The following CA5A variants were observed in gnomAD, a reference collection of about 807,000 sequenced individuals.
CA5A encodes carbonic anhydrase 5A, also known as carbonic anhydrase 5A, mitochondrial.
CA5A carries 28 observed loss-of-function variants against 37.1 expected under a neutral mutation model. The observed-to-expected ratio is 0.75, with a 90% CI of 0.56 to 1.03. The LOEUF (loss-of-function observed/expected upper bound fraction) is 1.03, where lower values mean the gene tolerates loss of function less well. Ranked by LOEUF, CA5A falls within the 50% of genes least tolerant of loss-of-function variation. The pLI is 0.00. For synonymous variants in CA5A, 171 were observed against 158.4 expected (o/e 1.08, Z -0.60); for missense variants, 444 against 399.9 (o/e 1.11, Z -0.94).
chr16:87,923,623 C>T (rs1209875589), intron 2 of CA5A: 1 of 985,336 alleles, frequency 1.0e-6, no homozygotes, highest in Non-Finnish European at 1.2e-6. Flanking sequence ...GATGCTCCAC[C>T]AGCTGAGGGC....
intron 2 of CA5A, among the ~76,000 whole-genome samples, chr16:87,912,736 G>A (rs564062617): frequency 2.6e-5 from 4 of 152,238 alleles, no homozygotes; most frequent in African/African-American, 4.8e-5. Flanking sequence ...GAGGGCCCCC[G>A]TGGAAGCGGC....
chr16:87,925,941 G>C (rs1343255265), intron 2 of CA5A, among the ~76,000 whole-genome samples: 1 of 152,326 alleles, frequency 6.6e-6, no homozygotes, highest in Non-Finnish European at 1.5e-5. Context: ...GGTCAGCGAG[G>C]GCCGGGCGCG....
intron 2 of CA5A, among the ~76,000 whole-genome samples, chr16:87,910,762 G>A (rs1377608368): frequency 6.6e-6 from 1 of 151,232 alleles, no homozygotes; most frequent in Non-Finnish European, 1.5e-5. Flanking sequence ...TTTTGTTTTT[G>A]TTTCTTTGAG....
chr16:87,915,865 A>G (rs2056132935), intron 2 of CA5A, among the ~76,000 whole-genome samples: 1 of 151,950 alleles, frequency 6.6e-6, no homozygotes, highest in African/African-American at 2.4e-5. Context: ...ATAAGAAACA[A>G]CAGTGTATTA....
At chr16:87,934,123 G>A (rs1449721509) in intron 1 of CA5A, among the ~76,000 whole-genome samples, 11 of 152,246 alleles carry the variant, frequency 7.2e-5, no homozygotes, top group Admixed American at 6.5e-4. Flanking sequence ...GCAGCAGCTG[G>A]CGTCTAGCAA....
At chr16:87,915,941 G>T (rs557889393) in intron 2 of CA5A, among the ~76,000 whole-genome samples, 3 of 152,078 alleles carry the variant, frequency 2.0e-5, no homozygotes, top group Middle Eastern at 3.4e-3. Flanking sequence ...AAAAGAGGTT[G>T]AATGGACTCA....
Position 87,888,100 on chromosome 16 carries a change from G to A in CA5A, c.*29C>T. On this transcript the variant is annotated 3_prime_UTR_variant, in exon 7 of 7. Coordinates refer to ENST00000649794, the MANE Select transcript of CA5A (RefSeq NM_001739.2). Reference sequence around the variant, plus strand: ...ACAACGCTTCCTTCCTTCAAAGTCAGTTCTGCTATTCATGTGGACCTAATG... The same window carrying A: ...ACAACGCTTCCTTCCTTCAAAGTCAATTCTGCTATTCATGTGGACCTAATG... 6.4e-7 allele frequency: 1 copy of A among 1,561,264 alleles called. No homozygotes were observed. The highest frequency in any genetic ancestry group is 8.7e-7 in the Non-Finnish European group (1 of 1,149,770).
At chr16:87,891,627 C>G (rs1186929042) in intron 6 of CA5A, among the ~76,000 whole-genome samples, 172 bp downstream of exon 6, 1 of 152,204 alleles carries the variant, frequency 6.6e-6, no homozygotes, top group Admixed American at 6.5e-5. Flanking sequence ...GCTGTCCAAT[C>G]TCAACAAGCT....
chr16:87,925,445 C>G (rs1305311812), intron 2 of CA5A: 2 of 152,222 alleles, frequency 1.3e-5, no homozygotes, highest in Non-Finnish European at 2.9e-5. Context: ...ACCAGAGGAG[C>G]TCACTAGCAA....
chr16:87,891,286 G>A (rs1356510589), intron 6 of CA5A, among the ~76,000 whole-genome samples: 1 of 151,662 alleles, frequency 6.6e-6, no homozygotes, highest in Non-Finnish European at 1.5e-5. Context: ...TGGCCAACAT[G>A]GTGAAACTCC....
chr16:87,885,128 A>T (rs890521225), downstream of CA5A: 1 of 159,232 alleles, frequency 6.3e-6, no homozygotes, highest in African/African-American at 2.4e-5. Flanking sequence ...GCGCCACTGC[A>T]CTCCAGCCTG....
chr16:87,923,583 G>A, intron 2 of CA5A: 1 of 985,444 alleles, frequency 1.0e-6, no homozygotes, highest in Non-Finnish European at 1.2e-6. Flanking sequence ...CACTGCATGA[G>A]GTCTTGGTGA....
intron 3 of CA5A, 143 bp downstream of exon 3, chr16:87,904,643 C>T (rs989980755): frequency 1.8e-5 from 10 of 565,896 alleles, no homozygotes; most frequent in Non-Finnish European, 2.6e-5. Flanking sequence ...GGGCGGCCGA[C>T]GGTTCTGGTT....
intron 5 of CA5A, among the ~76,000 whole-genome samples, chr16:87,900,813 G>A (rs1457950241): frequency 6.6e-6 from 1 of 152,240 alleles, no homozygotes; most frequent in African/African-American, 2.4e-5. Context: ...ATTCTTAAAT[G>A]TTATTAGTTA....
chr16:87,935,499 C>T (rs1474190958), intron 1 of CA5A, among the ~76,000 whole-genome samples: 4 of 152,184 alleles, frequency 2.6e-5, no homozygotes, highest in Non-Finnish European at 5.9e-5. Context: ...ACACGGACTA[C>T]CCGCCTGCTC....
At chr16:87,900,702 G>A (rs965009741) in intron 5 of CA5A, among the ~76,000 whole-genome samples, 5 of 152,354 alleles carry the variant, frequency 3.3e-5, no homozygotes, top group Non-Finnish European at 5.9e-5. Flanking sequence ...CCTATGGATC[G>A]CTGGGCGGAG....
At chr16:87,918,829 T>G (rs978288793) in intron 2 of CA5A, among the ~76,000 whole-genome samples, 36 of 152,008 alleles carry the variant, frequency 2.4e-4, no homozygotes, top group African/African-American at 8.2e-4. Context: ...CGATTCCCAA[T>G]CCAGGTGAAC....
At chr16:87,924,083 T>C in intron 2 of CA5A, 1 of 985,376 alleles carries the variant, frequency 1.0e-6, no homozygotes, top group Non-Finnish European at 1.2e-6. Flanking sequence ...AATGCAAAAA[T>C]CCCTGCTCCC....
In CA5A at chr16:87,916,893, G is replaced by A. The variant is rs563176395; in HGVS notation, c.340+9855C>T. Among the ~76,000 whole-genome samples, 198 of 152,220 alleles carry A rather than the reference G, an allele frequency of 1.3e-3. 1 individual carries two copies. The highest frequency in any genetic ancestry group is 4.7e-3 in the African/African-American group (196 of 41,526). On this transcript the variant is annotated intron_variant, in intron 2 of 6. Transcript: ENST00000649794. ...CGAGGCAGGAGGATCACGAGGTCAG[G>A]AGATCGAGGCCATCCTGGCTAACAC... is the stretch of plus-strand genomic sequence containing the variant.
Sources: allele counts gnomAD v4.1 joint callset (sites outside exome capture counted in the v4.1 genomes callset), GRCh38; gene constraint gnomAD v4.1.1; transcripts MANE v1.5; gene names NCBI Gene and HGNC (gene_info 2026-07-23, HGNC 2026-07-21).